ADAM22: variants seen among roughly 807,000 people sequenced by gnomAD.
ADAM22 encodes disintegrin and metalloproteinase domain-containing protein 22.
Under a neutral mutation model 144.6 loss-of-function variants are expected in ADAM22, and 65 were observed. That is an observed-to-expected ratio of 0.45 (90% CI 0.37 to 0.55). The LOEUF (loss-of-function observed/expected upper bound fraction) is 0.55. Ranked by LOEUF, ADAM22 falls within the 20% of genes least tolerant of loss-of-function variation. ADAM22 has a pLI of 0.00. For synonymous variants in ADAM22, 391 were observed against 412.6 expected (o/e 0.95, Z 0.63); for missense variants, 974 against 1,184.9 (o/e 0.82, Z 2.61).
At chr7:87,955,346 T>G (rs912675972) in intron 2 of ADAM22, among the ~76,000 whole-genome samples, 5 of 151,528 alleles carry the variant, frequency 3.3e-5, no homozygotes, top group Admixed American at 3.3e-4. Context: ...TAGTTTTCCT[T>G]CTAACAGACA....
At chr7:88,052,080 A>G (rs1405282769) in intron 3 of ADAM22, among the ~76,000 whole-genome samples, 1 of 152,116 alleles carries the variant, frequency 6.6e-6, no homozygotes, top group African/African-American at 2.4e-5. Flanking sequence ...TGTTTCACTC[A>G]TCCACCATGG....
chr7:88,041,619 A>G (rs1294665554), intron 3 of ADAM22, among the ~76,000 whole-genome samples: 2 of 151,990 alleles, frequency 1.3e-5, no homozygotes, highest in Non-Finnish European at 2.9e-5. Flanking sequence ...CATGTTTTTA[A>G]TGAGAGATAC....
chr7:87,947,712 G>A (rs768532432), intron 2 of ADAM22, among the ~76,000 whole-genome samples: 3 of 152,026 alleles, frequency 2.0e-5, no homozygotes, highest in African/African-American at 4.8e-5. Flanking sequence ...ATCTACTTGC[G>A]GTCTTTGATG....
intron 2 of ADAM22, among the ~76,000 whole-genome samples, chr7:87,975,447 A>G (rs1851685534): frequency 6.6e-6 from 1 of 152,216 alleles, no homozygotes. Context: ...ATCTGTATAT[A>G]GTCTAAGAAA....
At chr7:88,117,742 G>A (rs1223004480) in intron 7 of ADAM22, among the ~76,000 whole-genome samples, 1 of 149,806 alleles carries the variant, frequency 6.7e-6, no homozygotes, top group Non-Finnish European at 1.5e-5. Context: ...CGCCCAGGCT[G>A]GAATGCAGTG....
At chr7:88,157,029 T>C (rs577913393) in intron 22 of ADAM22, among the ~76,000 whole-genome samples, 2 of 152,154 alleles carry the variant, frequency 1.3e-5, no homozygotes, top group South Asian at 4.1e-4. Context: ...GTGCTGTTTT[T>C]TTAAACAGGG....
intron 15 of ADAM22, among the ~76,000 whole-genome samples, chr7:88,144,016 C>T (rs1835581447): frequency 6.6e-6 from 1 of 152,118 alleles, no homozygotes; most frequent in Admixed American, 6.6e-5. Context: ...GTGTGGTTAT[C>T]ATTTGGATAA....
chr7:88,014,703 A>G (rs539031169), intron 3 of ADAM22, among the ~76,000 whole-genome samples: 1 of 152,222 alleles, frequency 6.6e-6, no homozygotes, highest in Admixed American at 6.5e-5. Context: ...TGGGCCCTCT[A>G]AGAATTTGCC....
rs1586665248 is a variant in ADAM22, at chr7:88,193,177, T to C, written c.2812T>C (p.Tyr938His). ...TGGGTCTATTGCCTCCAGCAGAAAATACCCTTACCCAATGCCTCCACTTCC... is the reference window on the plus strand; with the variant it reads ...TGGGTCTATTGCCTCCAGCAGAAAACACCCTTACCCAATGCCTCCACTTCC... ...STGSIASSRK[Y>H]PYPMPPLPDE... Residue 938 changes from tyrosine to histidine, a missense_variant, in exon 31 of 32, where the codon TAC becomes CAC. By Grantham distance (83) the Tyr-to-His change is moderately conservative. This residue lies in a region of ADAM22 where 734 missense variants were observed against 950.6 expected (regional missense o/e 0.77). Transcript: ENST00000413139. 2 of 1,614,058 alleles carry C rather than the reference T, an allele frequency of 1.2e-6. No homozygotes were observed. Among genetic ancestry groups the C allele is most frequent in the East Asian group, 4.5e-5 (2 of 44,864 alleles).
chr7:88,178,121 T>C (rs1001584786), intron 26 of ADAM22, among the ~76,000 whole-genome samples: 1 of 152,134 alleles, frequency 6.6e-6, no homozygotes, highest in Non-Finnish European at 1.5e-5. Context: ...CCAATCTTAA[T>C]TTATTGAAAA....
At chr7:87,962,412 C>T (rs548748886) in intron 2 of ADAM22, among the ~76,000 whole-genome samples, 1 of 152,070 alleles carries the variant, frequency 6.6e-6, no homozygotes, top group African/African-American at 2.4e-5. Context: ...CTTGGTATAG[C>T]GTTGAGAGTG....
chr7:88,146,302 C>T (rs772805780), intron 17 of ADAM22, among the ~76,000 whole-genome samples: 1 of 152,156 alleles, frequency 6.6e-6, no homozygotes, highest in Non-Finnish European at 1.5e-5. Flanking sequence ...AATATGCACT[C>T]TCTTAGTGAT....
At chr7:88,192,237 A>G (rs898237177) in intron 30 of ADAM22, among the ~76,000 whole-genome samples, 51 of 152,324 alleles carry the variant, frequency 3.3e-4, no homozygotes, top group African/African-American at 1.2e-3. Context: ...GGAGCAGTGG[A>G]TGTGTAGTGG....
At chr7:87,950,439 TC>T (rs1844770919) in intron 2 of ADAM22, among the ~76,000 whole-genome samples, 1 of 149,126 alleles carries the variant, frequency 6.7e-6, no homozygotes, top group African/African-American at 2.5e-5. Flanking sequence ...ATTTCCAATT[TC>T]ATCCATGTCC....
At chr7:88,163,719 C>T (rs546317564) in intron 23 of ADAM22, among the ~76,000 whole-genome samples, 2 of 152,118 alleles carry the variant, frequency 1.3e-5, no homozygotes, top group East Asian at 3.9e-4. Context: ...ACTTTTAATT[C>T]TATTCTTTAA....
chr7:88,148,440 A>T (rs186637938), intron 17 of ADAM22, among the ~76,000 whole-genome samples: 6 of 152,168 alleles, frequency 3.9e-5, no homozygotes, highest in Non-Finnish European at 7.4e-5. Flanking sequence ...AAATGCCTAT[A>T]TGAAGACTTA....
At chr7:87,949,948 A>G (rs1844638323) in intron 2 of ADAM22, among the ~76,000 whole-genome samples, 1 of 151,092 alleles carries the variant, frequency 6.6e-6, no homozygotes, top group African/African-American at 2.4e-5. Flanking sequence ...ATTCTTTTAT[A>G]ACTTTTTTAT....
chr7:88,099,650 G>A (rs1039322857), intron 4 of ADAM22, among the ~76,000 whole-genome samples: 6 of 152,096 alleles, frequency 3.9e-5, no homozygotes, highest in Admixed American at 2.6e-4. Flanking sequence ...ATTTCCATAT[G>A]TAACATTAAA....
intron 7 of ADAM22, among the ~76,000 whole-genome samples, chr7:88,118,517 G>A (rs148154624): frequency 0.017 from 2,632 of 151,804 alleles, 30 homozygotes; most frequent in Non-Finnish European, 0.025. Flanking sequence ...TAGCTGTGTG[G>A]GAATAAAGCT....
Sources: allele counts gnomAD v4.1 joint callset (sites outside exome capture counted in the v4.1 genomes callset), GRCh38; gene constraint gnomAD v4.1.1; regional missense constraint gnomAD v4.1.1; transcripts MANE v1.5; gene names NCBI Gene and HGNC (gene_info 2026-07-23, HGNC 2026-07-21).